Variants in THRB observed in about 807,000 individuals in gnomAD.
The protein encoded by THRB is thyroid hormone receptor beta, also known as nuclear receptor subfamily 1 group A member 2.
Under a neutral mutation model 47.8 loss-of-function variants are expected in THRB, and 12 were observed. That is an observed-to-expected ratio of 0.25 (90% CI 0.16 to 0.41). The LOEUF (loss-of-function observed/expected upper bound fraction) is 0.41. THRB is among the 10% of genes least tolerant of loss of function. The pLI is 1.00. For missense variants in THRB, 348 were observed against 589.2 expected (o/e 0.59, Z 4.24); for synonymous variants, 218 against 212.2 (o/e 1.03, Z -0.24).
intron 1 of THRB, among the ~76,000 whole-genome samples, chr3:24,444,328 A>G (rs9879420): frequency 0.016 from 2,417 of 152,298 alleles, 60 homozygotes; most frequent in African/African-American, 0.05. Flanking sequence ...AAACAGAATC[A>G]AAAGACAAAA....
chr3:24,167,859 T>G (rs936214527), intron 5 of THRB, among the ~76,000 whole-genome samples: 1 of 152,114 alleles, frequency 6.6e-6, no homozygotes, highest in Non-Finnish European at 1.5e-5. Context: ...CTAAATATGC[T>G]TGAAAAATTG....
chr3:24,135,918 ATAAAAT>A (rs2034610875), intron 8 of THRB, among the ~76,000 whole-genome samples: 1 of 150,078 alleles, frequency 6.7e-6, no homozygotes, highest in African/African-American at 2.4e-5. Flanking sequence ...TAAAATAAAA[ATAAAAT>A]TAAGAAGTGT....
At chr3:24,442,143 CA>C (rs1315813745) in intron 1 of THRB, among the ~76,000 whole-genome samples, 4 of 152,126 alleles carry the variant, frequency 2.6e-5, no homozygotes, top group African/African-American at 9.7e-5. Context: ...CTTCAGTGTT[CA>C]ATTTGTCTTT....
chr3:24,443,191 G>A lies in THRB; in HGVS notation c.-261+51461C>T, dbSNP rs763517211. On this transcript the variant is annotated intron_variant, in intron 1 of 10. Coordinates refer to ENST00000646209, the MANE Select transcript of THRB (RefSeq NM_001354712.2). ...GAGATTCCATCTCAAACAAACAAAC[G>A]ATACTGACAGAAGGACAATTTTTAG... is the stretch of plus-strand genomic sequence containing the variant. Among the ~76,000 whole-genome samples the A allele has an allele frequency of 1.1e-4, 16 of 152,120 alleles. 1 individual carries two copies. Among genetic ancestry groups the A allele is most frequent in the East Asian group, 1.9e-4 (1 of 5,174 alleles).
intron 3 of THRB, among the ~76,000 whole-genome samples, chr3:24,238,745 A>T (rs1275224583): frequency 2.0e-5 from 3 of 152,156 alleles, no homozygotes; most frequent in Admixed American, 6.5e-5. Context: ...TAAAAAGAAT[A>T]ATCTTCCTAA....
At chr3:24,183,141 G>T (rs919192100) in intron 5 of THRB, among the ~76,000 whole-genome samples, 5 of 152,110 alleles carry the variant, frequency 3.3e-5, no homozygotes, top group African/African-American at 1.2e-4. Context: ...CTGTGCACAT[G>T]ATGTTTTGTT....
chr3:24,174,375 TTTAA>T (rs774518478), intron 5 of THRB, among the ~76,000 whole-genome samples: 16 of 152,242 alleles, frequency 1.1e-4, no homozygotes, highest in South Asian at 2.1e-4. Context: ...CTGTTACTAT[TTTAA>T]TTAAACTAAT....
At chr3:24,351,524 T>G (rs1240154125) in intron 1 of THRB, among the ~76,000 whole-genome samples, 1 of 152,164 alleles carries the variant, frequency 6.6e-6, no homozygotes, top group Non-Finnish European at 1.5e-5. Flanking sequence ...TTTTGTTAAT[T>G]TGGCCTAAAC....
Position 24,122,124 on chromosome 3 carries a change from C to T in THRB, c.*760G>A, listed in dbSNP as rs1452988434. 1.3e-5 allele frequency: 2 copies of T among 152,750 alleles called. No homozygotes were observed. The highest frequency in any genetic ancestry group is 2.9e-5 in the Non-Finnish European group (2 of 68,156). 9.5% of individuals were successfully genotyped at this position (152,750 alleles called of 1,614,324 possible). A position where few individuals can be genotyped will look rare whatever the true frequency, so the allele number is the denominator to read the frequency against. On this transcript the variant is annotated 3_prime_UTR_variant, in exon 11 of 11. Transcript: ENST00000646209. ...GAAGCCTTCCTACTGTGAGGTAATA[C>T]TATGTGAATTTTTGGAAACCATGCA...
At chr3:24,147,780 A>C (rs561980480) in intron 6 of THRB, among the ~76,000 whole-genome samples, 15 of 152,212 alleles carry the variant, frequency 9.9e-5, no homozygotes, top group Non-Finnish European at 1.9e-4. Context: ...TCTTCCCTAC[A>C]ATCATGTAAA....
chr3:24,141,648 A>T (rs1322520868), intron 8 of THRB, among the ~76,000 whole-genome samples: 2 of 152,276 alleles, frequency 1.3e-5, no homozygotes, highest in African/African-American at 4.8e-5. Context: ...AAGTCTGGAA[A>T]GAAGCACCTT....
chr3:24,450,484 T>G (rs757002172), intron 1 of THRB, among the ~76,000 whole-genome samples: 5 of 152,272 alleles, frequency 3.3e-5, no homozygotes, highest in Non-Finnish European at 7.3e-5. Context: ...GAACGTATTC[T>G]ACATTTTTCT....
intron 3 of THRB, among the ~76,000 whole-genome samples, chr3:24,243,356 C>T (rs1349306511): frequency 1.3e-5 from 2 of 152,040 alleles, no homozygotes; most frequent in Non-Finnish European, 2.9e-5. Context: ...CACTGTGGCT[C>T]CCACAAGGAT....
intron 5 of THRB, among the ~76,000 whole-genome samples, chr3:24,159,727 CTGTGTGTGTG>C (rs67972581): frequency 0.19 from 27,799 of 145,240 alleles, 3,549 homozygotes; most frequent in African/African-American, 0.37. Context: ...GCCACAACTG[CTGTGTGTGTG>C]TGTGTGTGTG....
intron 4 of THRB, among the ~76,000 whole-genome samples, chr3:24,220,469 C>A (rs772510194): frequency 6.6e-6 from 1 of 152,068 alleles, no homozygotes; most frequent in Non-Finnish European, 1.5e-5. Flanking sequence ...CCAGCCTGGG[C>A]CACAGAGTGA....
intron 1 of THRB, among the ~76,000 whole-genome samples, chr3:24,342,385 C>G (rs937628707): frequency 1.3e-5 from 2 of 152,022 alleles, no homozygotes; most frequent in African/African-American, 2.4e-5. Flanking sequence ...CCTAAGCTAT[C>G]GAGATGAGAA....
At chr3:24,314,588 T>C (rs1195580818) in intron 2 of THRB, among the ~76,000 whole-genome samples, 1 of 152,236 alleles carries the variant, frequency 6.6e-6, no homozygotes, top group Non-Finnish European at 1.5e-5. Flanking sequence ...ACTCTTTTCC[T>C]GAGGGAAATA....
intron 1 of THRB, among the ~76,000 whole-genome samples, chr3:24,380,538 C>T (rs2065623854): frequency 6.6e-6 from 1 of 152,132 alleles, no homozygotes; most frequent in Admixed American, 6.5e-5. Context: ...TTCACAACAG[C>T]CCTAAATGCT....
chr3:24,403,816 A>T (rs2067613382), intron 1 of THRB, among the ~76,000 whole-genome samples: 1 of 151,986 alleles, frequency 6.6e-6, no homozygotes, highest in South Asian at 2.1e-4. Context: ...GAGGAAAAGC[A>T]CTTGTGTGAC....
Sources: allele counts gnomAD v4.1 joint callset (sites outside exome capture counted in the v4.1 genomes callset), GRCh38; gene constraint gnomAD v4.1.1; transcripts MANE v1.5; gene names NCBI Gene and HGNC (gene_info 2026-07-23, HGNC 2026-07-21).